Variants in KLF12 observed in about 807,000 individuals in gnomAD.
The protein encoded by KLF12 is KLF transcription factor 12, also known as Krueppel-like factor 12.
KLF12 carries 9 observed loss-of-function variants against 37.8 expected under a neutral mutation model. The ratio of observed to expected loss-of-function variants is 0.24; its 90% CI spans 0.14 to 0.42. KLF12 has a LOEUF of 0.42. Among genes scored for constraint, KLF12 ranks in the 10% least tolerant of loss-of-function variants. The pLI is 1.00. For missense variants in KLF12, 411 were observed against 516.0 expected (o/e 0.80, Z 1.97); for synonymous variants, 208 against 202.1 (o/e 1.03, Z -0.25).
chr13:73,964,177 G>A (rs1301788850), intron 2 of KLF12, among the ~76,000 whole-genome samples: 1 of 152,162 alleles, frequency 6.6e-6, no homozygotes, highest in Non-Finnish European at 1.5e-5. Context: ...ATGTGTGACA[G>A]TATAACTAGT....
At chr13:73,726,635 T>G (rs1233118646) in intron 6 of KLF12, among the ~76,000 whole-genome samples, 2 of 152,250 alleles carry the variant, frequency 1.3e-5, no homozygotes, top group Admixed American at 6.5e-5. Context: ...TCAAATAATA[T>G]TCCATTTATG....
chr13:73,763,324 C>G (rs1879691413), intron 6 of KLF12, among the ~76,000 whole-genome samples: 1 of 152,322 alleles, frequency 6.6e-6, no homozygotes, highest in Admixed American at 6.5e-5. Context: ...TACACATACA[C>G]ATCTGCCCTG....
chr13:74,296,183 T>G, the KLF12 span, among the ~76,000 whole-genome samples: 1 of 151,968 alleles, frequency 6.6e-6, no homozygotes, highest in Non-Finnish European at 1.5e-5. Flanking sequence ...AAATGCTTTG[T>G]GTCCACAATC....
At chr13:73,851,174 C>A (rs1051587458) in intron 3 of KLF12, among the ~76,000 whole-genome samples, 4 of 152,196 alleles carry the variant, frequency 2.6e-5, no homozygotes, top group African/African-American at 9.6e-5. Flanking sequence ...AGCAGAACTT[C>A]CTCCGGTTAG....
At chr13:74,283,735 A>G in the KLF12 span, among the ~76,000 whole-genome samples, 1 of 152,198 alleles carries the variant, frequency 6.6e-6, no homozygotes, top group Non-Finnish European at 1.5e-5. Context: ...GACCGATGTG[A>G]GATTAAATTA....
At chr13:73,932,260 T>C (rs545138077) in intron 3 of KLF12, among the ~76,000 whole-genome samples, 1 of 152,298 alleles carries the variant, frequency 6.6e-6, no homozygotes, top group South Asian at 2.1e-4. Flanking sequence ...TCATTTAAGA[T>C]AGATGAAAAG....
intron 6 of KLF12, among the ~76,000 whole-genome samples, chr13:73,749,036 A>G (rs1165839478): frequency 6.6e-6 from 1 of 152,130 alleles, no homozygotes; most frequent in Non-Finnish European, 1.5e-5. Context: ...GTCATTTCCT[A>G]TAGAGTACCT....
intron 3 of KLF12, among the ~76,000 whole-genome samples, chr13:73,892,886 T>C (rs944110406): frequency 2.0e-5 from 3 of 152,204 alleles, no homozygotes; most frequent in African/African-American, 7.2e-5. Context: ...TCTTTAACCA[T>C]AACTTACTTA....
chr13:73,798,469 G>T (rs751788402), intron 5 of KLF12, among the ~76,000 whole-genome samples: 3 of 152,010 alleles, frequency 2.0e-5, no homozygotes, highest in Non-Finnish European at 4.4e-5. Flanking sequence ...ACCATCGATG[G>T]AGTAAAAAAA....
chr13:73,883,413 C>A (rs116820596), intron 3 of KLF12, among the ~76,000 whole-genome samples: 2 of 152,218 alleles, frequency 1.3e-5, no homozygotes, highest in East Asian at 3.9e-4. Context: ...CTTACATAAA[C>A]GACACGACAT....
At chr13:74,205,315 G>A in the KLF12 span, among the ~76,000 whole-genome samples, 3 of 152,110 alleles carry the variant, frequency 2.0e-5, no homozygotes, top group Non-Finnish European at 4.4e-5. Flanking sequence ...GTCAGATGAA[G>A]TTCTTTCTGA....
intron 3 of KLF12, among the ~76,000 whole-genome samples, chr13:73,877,334 G>A (rs1345974878): frequency 2.0e-5 from 3 of 151,988 alleles, no homozygotes; most frequent in Non-Finnish European, 4.4e-5. Flanking sequence ...CCTTTTTTTA[G>A]TCATTATTCC....
chr13:73,970,099 A>T (rs1233852525), intron 2 of KLF12, among the ~76,000 whole-genome samples: 1 of 152,144 alleles, frequency 6.6e-6, no homozygotes, highest in Non-Finnish European at 1.5e-5. Flanking sequence ...ATTTTGTATC[A>T]AACTAGGTCA....
chr13:74,167,911 G>C, the KLF12 span, among the ~76,000 whole-genome samples: 1 of 152,164 alleles, frequency 6.6e-6, no homozygotes, highest in Admixed American at 6.5e-5. Flanking sequence ...AAGTTATCAT[G>C]AGCATGTCTT....
chr13:73,858,484 C>T (rs1441635501), intron 3 of KLF12, among the ~76,000 whole-genome samples: 2 of 152,146 alleles, frequency 1.3e-5, no homozygotes, highest in Non-Finnish European at 2.9e-5. Context: ...TGCTGCATTA[C>T]CGGGTGATTT....
At chr13:74,027,024 G>A (rs925223130) in intron 1 of KLF12, among the ~76,000 whole-genome samples, 4 of 152,130 alleles carry the variant, frequency 2.6e-5, no homozygotes, top group African/African-American at 9.7e-5. Context: ...CAGGGCTGGA[G>A]CAACAGCAGA....
At chr13:74,127,536 T>A (rs1228653194) in intron 1 of KLF12, among the ~76,000 whole-genome samples, 1 of 152,200 alleles carries the variant, frequency 6.6e-6, no homozygotes, top group African/African-American at 2.4e-5. Context: ...AATTGTAACA[T>A]GAATTGGAGT....
intron 4 of KLF12, among the ~76,000 whole-genome samples, chr13:73,823,285 A>G (rs1883636467): frequency 1.3e-5 from 2 of 151,978 alleles, no homozygotes; most frequent in African/African-American, 2.4e-5. Context: ...AAAAAAAAAA[A>G]GAGCAAAAAA....
At chr13:74,248,536 G>A in the KLF12 span, among the ~76,000 whole-genome samples, 7 of 152,238 alleles carry the variant, frequency 4.6e-5, no homozygotes, top group South Asian at 4.2e-4. Context: ...ATGCTTAATC[G>A]TATGTGTATA....
Sources: allele counts gnomAD v4.1 joint callset (sites outside exome capture counted in the v4.1 genomes callset), GRCh38; gene constraint gnomAD v4.1.1; transcripts MANE v1.5; gene names NCBI Gene and HGNC (gene_info 2026-07-23, HGNC 2026-07-21).